The following NKAIN2 variants were observed in gnomAD, a reference collection of about 807,000 sequenced individuals.
NKAIN2 encodes the protein sodium/potassium-transporting ATPase subunit beta-1-interacting protein 2.
NKAIN2 carries 14 observed loss-of-function variants against 32.6 expected under a neutral mutation model. That is an observed-to-expected ratio of 0.43 (90% CI 0.28 to 0.67). The LOEUF (loss-of-function observed/expected upper bound fraction) is 0.67, where lower values mean the gene tolerates loss of function less well. NKAIN2 is among the 30% of genes least tolerant of loss of function. NKAIN2 has a pLI of 0.17. For synonymous variants in NKAIN2, 80 were observed against 87.2 expected, an observed-to-expected ratio of 0.92 and a Z score of 0.46; for missense variants, 198 against 258.3, an observed-to-expected ratio of 0.77 and a Z score of 1.60.
chr6:124,664,406 A>G (rs1772671083), intron 4 of NKAIN2, among the ~76,000 whole-genome samples: 1 of 152,186 alleles, frequency 6.6e-6, no homozygotes, highest in African/African-American at 2.4e-5. Flanking sequence ...TTGATAAACA[A>G]GAATACATTT....
intron 3 of NKAIN2, among the ~76,000 whole-genome samples, chr6:124,378,771 T>A (rs1283376368): frequency 6.6e-6 from 1 of 151,808 alleles, no homozygotes; most frequent in East Asian, 2.0e-4. Flanking sequence ...TGCTACAGAG[T>A]TATGGGTTTT....
intron 1 of NKAIN2, among the ~76,000 whole-genome samples, chr6:123,835,340 T>C (rs1356552899): frequency 1.3e-5 from 2 of 152,230 alleles, no homozygotes; most frequent in Non-Finnish European, 2.9e-5. Flanking sequence ...GTTCTTGTTT[T>C]TGGTACGTGG....
At chr6:123,854,654 A>G (rs562540523) in intron 1 of NKAIN2, among the ~76,000 whole-genome samples, 1 of 152,288 alleles carries the variant, frequency 6.6e-6, no homozygotes, top group East Asian at 1.9e-4. Context: ...CCAAATTTAC[A>G]GACAAGTAAG....
chr6:124,790,547 C>T (rs1269461266), intron 4 of NKAIN2, among the ~76,000 whole-genome samples: 1 of 151,854 alleles, frequency 6.6e-6, no homozygotes, highest in African/African-American at 2.4e-5. Context: ...AAAAAGAAAA[C>T]AAATAGTTTT....
chr6:124,705,821 G>A (rs1775031859), intron 4 of NKAIN2, among the ~76,000 whole-genome samples: 1 of 151,974 alleles, frequency 6.6e-6, no homozygotes, highest in Non-Finnish European at 1.5e-5. Flanking sequence ...AAGAGTTTAT[G>A]GAAATAACTC....
intron 4 of NKAIN2, among the ~76,000 whole-genome samples, chr6:124,787,167 G>A (rs1779542807): frequency 6.6e-6 from 1 of 152,072 alleles, no homozygotes; most frequent in African/African-American, 2.4e-5. Context: ...CTTAAAGAAT[G>A]AATTAGTGTC....
intron 3 of NKAIN2, among the ~76,000 whole-genome samples, chr6:124,599,526 C>A (rs907898994): frequency 2.6e-5 from 4 of 152,078 alleles, no homozygotes; most frequent in African/African-American, 7.2e-5. Flanking sequence ...TTTTAATCTG[C>A]GTGTGAGGGC....
At chr6:124,155,530 G>C (rs1787940054) in intron 1 of NKAIN2, among the ~76,000 whole-genome samples, 1 of 151,252 alleles carries the variant, frequency 6.6e-6, no homozygotes, top group South Asian at 2.1e-4. Context: ...GGGGAAATCA[G>C]GAAATGGAAA....
At chr6:123,874,363 G>A (rs1773061934) in intron 1 of NKAIN2, among the ~76,000 whole-genome samples, 1 of 152,076 alleles carries the variant, frequency 6.6e-6, no homozygotes, top group South Asian at 2.1e-4. Context: ...CAAATTTTCT[G>A]GTTAATCTAA....
In NKAIN2 at chr6:124,670,302, T is replaced by C. The variant is rs932885648; in HGVS notation, c.474+11916T>C. Among the ~76,000 whole-genome samples, 3 of 152,206 alleles carry C rather than the reference T, an allele frequency of 2.0e-5. No homozygotes were observed. The South Asian group carries it at 6.2e-4, about 32-fold the overall frequency. On this transcript the variant is annotated intron_variant, in intron 4 of 6. Transcript: ENST00000368417. ...TAGACAATGCCTTGCCAAAGGTTGA[T>C]TGGCATGACTCATTATCATCACTCT...
chr6:124,211,132 C>T (rs1467992200), intron 1 of NKAIN2, among the ~76,000 whole-genome samples: 1 of 151,716 alleles, frequency 6.6e-6, no homozygotes, highest in East Asian at 1.9e-4. Context: ...CTGATAAATA[C>T]TTATTAAATT....
intron 2 of NKAIN2, among the ~76,000 whole-genome samples, chr6:124,347,515 T>C (rs146881746): frequency 0.011 from 1,737 of 152,346 alleles, 30 homozygotes; most frequent in African/African-American, 0.04. Context: ...CCCATATTTC[T>C]TGGAGGCTTT....
chr6:124,522,744 C>T (rs1779160032), intron 3 of NKAIN2, among the ~76,000 whole-genome samples: 1 of 152,166 alleles, frequency 6.6e-6, no homozygotes, highest in African/African-American at 2.4e-5. Flanking sequence ...AAAATAGATG[C>T]TTCCACTTAA....
chr6:124,355,332 TG>T lies in NKAIN2; in HGVS notation c.262del (p.Asp88ThrfsTer10). 6.2e-7 allele frequency: 1 copy of T among 1,604,520 alleles called. No homozygotes were observed. The highest frequency in any genetic ancestry group is 8.5e-7 in the Non-Finnish European group (1 of 1,171,362). ...TTGTTATCTGCTTCTATTTGGAGGC[TG>T]GGGACCTCTCAAAGGTAATTTACAT... ...VFVICFYLEA[G>X]DLSKETDLIL... On this transcript the variant is annotated frameshift_variant, in exon 3 of 7. Coordinates refer to ENST00000368417, the MANE Select transcript of NKAIN2 (RefSeq NM_001040214.3). LOFTEE classifies it high-confidence loss of function.
At chr6:124,202,454 A>G (rs1790639177) in intron 1 of NKAIN2, among the ~76,000 whole-genome samples, 1 of 151,398 alleles carries the variant, frequency 6.6e-6, no homozygotes, top group Non-Finnish European at 1.5e-5. Context: ...AGTGAATAAA[A>G]GAATATACAT....
intron 2 of NKAIN2, among the ~76,000 whole-genome samples, chr6:124,312,017 T>A (rs1796738866): frequency 6.6e-6 from 1 of 152,110 alleles, no homozygotes; most frequent in South Asian, 2.1e-4. Context: ...AGTTGTAAAC[T>A]TTGGGGAGAG....
chr6:124,189,103 A>AT (rs575748733), intron 1 of NKAIN2, among the ~76,000 whole-genome samples: 29 of 152,154 alleles, frequency 1.9e-4, no homozygotes, highest in African/African-American at 7.0e-4. Context: ...ACACCTAGAA[A>AT]TTTTTTTGCA....
At chr6:124,636,910 C>T (rs1187649123) in intron 3 of NKAIN2, among the ~76,000 whole-genome samples, 1 of 151,942 alleles carries the variant, frequency 6.6e-6, no homozygotes, top group African/African-American at 2.4e-5. Flanking sequence ...TACCCTGGTA[C>T]CAAAACTAGA....
At chr6:124,317,686 A>G (rs1411519870) in intron 2 of NKAIN2, among the ~76,000 whole-genome samples, 1 of 152,080 alleles carries the variant, frequency 6.6e-6, no homozygotes, top group Non-Finnish European at 1.5e-5. Context: ...TTCTTAAGTT[A>G]TAGGCCCCTA....
Sources: allele counts gnomAD v4.1 joint callset (sites outside exome capture counted in the v4.1 genomes callset), GRCh38; gene constraint gnomAD v4.1.1; transcripts MANE v1.5; gene names NCBI Gene and HGNC (gene_info 2026-07-23, HGNC 2026-07-21).